Variants in PCDH15 observed in about 807,000 individuals in gnomAD.
The protein encoded by PCDH15 is protocadherin-15.
A neutral mutation model predicts 178.5 loss-of-function variants in PCDH15; 129 were observed. The observed-to-expected ratio is 0.72, with a 90% CI of 0.63 to 0.84. PCDH15 has a LOEUF of 0.84. Ranked by LOEUF, PCDH15 falls within the 40% of genes least tolerant of loss-of-function variation. The pLI is 0.00. For missense variants in PCDH15, 2,230 were observed against 2,099.9 expected, an observed-to-expected ratio of 1.06 and a Z score of -1.21; for synonymous variants, 800 against 732.0, an observed-to-expected ratio of 1.09 and a Z score of -1.50.
intron 2 of PCDH15, among the ~76,000 whole-genome samples, chr10:55,066,427 G>A (rs1841566058): frequency 6.6e-6 from 1 of 150,514 alleles, no homozygotes; most frequent in African/African-American, 2.4e-5. Context: ...TTAGAGATTG[G>A]ATTGTTAATT....
chr10:55,022,922 T>C (rs1840371825), intron 2 of PCDH15, among the ~76,000 whole-genome samples: 1 of 150,464 alleles, frequency 6.6e-6, no homozygotes, highest in African/African-American at 2.4e-5. Flanking sequence ...ACTTTATTTT[T>C]ATTGTTTTAT....
intron 2 of PCDH15, among the ~76,000 whole-genome samples, chr10:54,979,249 T>C (rs984472462): frequency 6.8e-4 from 104 of 152,250 alleles, no homozygotes; most frequent in African/African-American, 2.4e-3. Context: ...GAAATAGAAA[T>C]AAAAGTTTAT....
chr10:54,776,832 G>T (rs1011534919), intron 1 of PCDH15, among the ~76,000 whole-genome samples: 1 of 152,098 alleles, frequency 6.6e-6, no homozygotes, highest in Non-Finnish European at 1.5e-5. Flanking sequence ...GCATAGAGAG[G>T]ACCAAGAAGC....
At chr10:54,694,959 G>A (rs1007093697) in intron 1 of PCDH15, among the ~76,000 whole-genome samples, 1 of 151,070 alleles carries the variant, frequency 6.6e-6, no homozygotes, top group African/African-American at 2.4e-5. Context: ...GCCAACTTGT[G>A]AATGCAAAGG....
intron 2 of PCDH15, among the ~76,000 whole-genome samples, chr10:55,446,984 G>C (rs147426922): frequency 5.5e-4 from 84 of 151,946 alleles, no homozygotes; most frequent in African/African-American, 1.9e-3. Flanking sequence ...GAAATACAGA[G>C]AGACAGATAA....
chr10:54,646,305 G>T (rs922206225), intron 2 of PCDH15, among the ~76,000 whole-genome samples: 1 of 152,008 alleles, frequency 6.6e-6, no homozygotes, highest in African/African-American at 2.4e-5. Flanking sequence ...TAAATGAAAG[G>T]CTGACTTTCA....
At chr10:53,932,702 C>T (rs1226550446) in intron 25 of PCDH15, among the ~76,000 whole-genome samples, 4 of 152,132 alleles carry the variant, frequency 2.6e-5, no homozygotes, top group Admixed American at 1.3e-4. Context: ...CAATTCTCCT[C>T]GAGAGTAATG....
At chr10:53,903,594 G>A (rs1205934868) in intron 25 of PCDH15, among the ~76,000 whole-genome samples, 1 of 151,960 alleles carries the variant, frequency 6.6e-6, no homozygotes, top group Non-Finnish European at 1.5e-5. Context: ...ACAATGTCCT[G>A]GTAGTTCACT....
chr10:55,237,344 C>T (rs549319583), intron 1 of PCDH15, among the ~76,000 whole-genome samples: 1 of 152,132 alleles, frequency 6.6e-6, no homozygotes, highest in African/African-American at 2.4e-5. Context: ...GAATTCTTGG[C>T]CATTTTTACT....
intron 2 of PCDH15, among the ~76,000 whole-genome samples, chr10:55,059,366 T>C (rs1036481095): frequency 2.0e-5 from 3 of 152,126 alleles, no homozygotes; most frequent in African/African-American, 7.2e-5. Flanking sequence ...CACTTTTCTA[T>C]CTGCCACTAC....
At chr10:53,932,981 C>T (rs1165673850) in intron 25 of PCDH15, among the ~76,000 whole-genome samples, 1 of 151,928 alleles carries the variant, frequency 6.6e-6, no homozygotes, top group African/African-American at 2.4e-5. Context: ...TCTCTCTCTC[C>T]CTTGCTACTG....
intron 21 of PCDH15, among the ~76,000 whole-genome samples, chr10:53,992,338 G>C (rs1271678622): frequency 6.6e-6 from 1 of 152,168 alleles, no homozygotes; most frequent in African/African-American, 2.4e-5. Context: ...ACAGTCTGCG[G>C]CTTCCTTCTT....
At chr10:54,170,258 A>C (rs1327851486) in intron 13 of PCDH15, among the ~76,000 whole-genome samples, 1 of 70,986 alleles carries the variant, frequency 1.4e-5, no homozygotes, top group Admixed American at 1.4e-4. Context: ...AACCACAGCA[A>C]CTTCTACAAA....
rs183176111 is a variant in PCDH15 at position 55,483,792 on chromosome 10, G to A, written c.-156+143833C>T. Reference sequence around the variant, plus strand: ...GATCATGCCACTGTAGTACAGCCTGGGTGAAAGAGTGAGACTCCATCTCAA... The same window carrying A: ...GATCATGCCACTGTAGTACAGCCTGAGTGAAAGAGTGAGACTCCATCTCAA... On this transcript the variant is annotated intron_variant, in intron 2 of 5. Transcript: ENST00000613346. Among the ~76,000 whole-genome samples, 714 of 147,382 alleles carry A rather than the reference G, an allele frequency of 4.8e-3. 4 individuals carry two copies. The highest frequency in any genetic ancestry group is 0.016 in the African/African-American group (657 of 39,892).
intron 3 of PCDH15, among the ~76,000 whole-genome samples, chr10:54,396,016 T>G (rs551990725): frequency 6.6e-6 from 1 of 152,212 alleles, no homozygotes; most frequent in Non-Finnish European, 1.5e-5. Context: ...TGAAGGCAAT[T>G]AAGAAGCAGA....
intron 3 of PCDH15, among the ~76,000 whole-genome samples, chr10:54,383,212 G>A (rs1460398899): frequency 1.3e-5 from 2 of 151,052 alleles, no homozygotes; most frequent in Admixed American, 6.6e-5. Context: ...AATAAGAGAA[G>A]CACAGAACAT....
At chr10:54,315,718 A>AG (rs71007830) in intron 8 of PCDH15, among the ~76,000 whole-genome samples, 35 of 151,316 alleles carry the variant, frequency 2.3e-4, no homozygotes, top group East Asian at 3.9e-4. Context: ...TGGTATAAGG[A>AG]GGGGGGGGTC....
chr10:54,299,601 A>G (rs1232456621), intron 8 of PCDH15, among the ~76,000 whole-genome samples: 1 of 152,208 alleles, frequency 6.6e-6, no homozygotes, highest in Non-Finnish European at 1.5e-5. Context: ...GTTTCCAAAC[A>G]GGGATCTAAA....
At chr10:55,010,488 T>C (rs987122667) in intron 2 of PCDH15, among the ~76,000 whole-genome samples, 22 of 152,118 alleles carry the variant, frequency 1.4e-4, no homozygotes, top group African/African-American at 4.1e-4. Context: ...GGAGGCATAA[T>C]GTAAATTTGG....
Sources: gnomAD v4.1 joint callset for allele counts (sites outside exome capture counted in the v4.1 genomes callset) on GRCh38, gnomAD v4.1.1 for gene constraint, MANE v1.5 for transcripts, NCBI Gene and HGNC (gene_info 2026-07-23, HGNC 2026-07-21) for gene names.